Variants in PRKCH observed in about 807,000 individuals in gnomAD.
PRKCH encodes protein kinase C eta.
In PRKCH, 28 loss-of-function variants were observed where a neutral mutation model predicts 82.5. That is an observed-to-expected ratio of 0.34 (90% CI 0.25 to 0.47). The LOEUF (loss-of-function observed/expected upper bound fraction) is 0.47. Among genes scored for constraint, PRKCH ranks in the 20% least tolerant of loss-of-function variants. PRKCH has a pLI of 1.00. For missense variants in PRKCH, 705 were observed against 881.8 expected (o/e 0.80, Z 2.54); for synonymous variants, 322 against 327.4 (o/e 0.98, Z 0.18).
chr14:61,380,557 G>C (rs1393547711), intron 1 of PRKCH, among the ~76,000 whole-genome samples: 1 of 152,184 alleles, frequency 6.6e-6, no homozygotes, highest in African/African-American at 2.4e-5. Flanking sequence ...GCTGGGCTTG[G>C]TCTCTTCAGA....
chr14:61,269,101 G>A (rs898965470), intron 1 of PRKCH, among the ~76,000 whole-genome samples: 2 of 152,134 alleles, frequency 1.3e-5, no homozygotes, highest in East Asian at 1.9e-4. Flanking sequence ...AGTAAATGAC[G>A]TGTACTTTTC....
intron 10 of PRKCH, among the ~76,000 whole-genome samples, chr14:61,527,386 A>G (rs1298487018): frequency 1.3e-5 from 2 of 152,192 alleles, no homozygotes; most frequent in Non-Finnish European, 2.9e-5. Context: ...AGACAAACCC[A>G]GAAGTCATCA....
chr14:61,481,026 C>T (rs976346177), intron 9 of PRKCH, among the ~76,000 whole-genome samples: 11 of 151,926 alleles, frequency 7.2e-5, no homozygotes, highest in Non-Finnish European at 1.5e-4. Flanking sequence ...AATTCCACCT[C>T]CACCTCCAGG....
At chr14:61,382,715 A>G (rs1044686573) in intron 1 of PRKCH, among the ~76,000 whole-genome samples, 1 of 152,242 alleles carries the variant, frequency 6.6e-6, no homozygotes, top group African/African-American at 2.4e-5. Flanking sequence ...CTCAAAGCCC[A>G]TAGAGTCTAG....
At chr14:61,486,667 CT>C (rs1177330148) in intron 10 of PRKCH, among the ~76,000 whole-genome samples, 1 of 145,854 alleles carries the variant, frequency 6.9e-6, no homozygotes, top group Non-Finnish European at 1.5e-5. Context: ...TGTTTTATTT[CT>C]TTTCTTTCTT....
At chr14:61,547,299 G>C (rs1053421261) in intron 12 of PRKCH, among the ~76,000 whole-genome samples, 7 of 152,044 alleles carry the variant, frequency 4.6e-5, no homozygotes, top group Non-Finnish European at 8.8e-5. Context: ...CTGTGGTCTC[G>C]TCAGAGAGCA....
At chr14:61,389,800 A>G (rs2046647710) in intron 1 of PRKCH, among the ~76,000 whole-genome samples, 1 of 152,168 alleles carries the variant, frequency 6.6e-6, no homozygotes, top group Non-Finnish European at 1.5e-5. Context: ...CCCAGGGTCC[A>G]GAACCAGCTG....
intron 1 of PRKCH, among the ~76,000 whole-genome samples, chr14:61,345,685 A>G (rs1017456276): frequency 3.9e-5 from 6 of 152,312 alleles, no homozygotes; most frequent in African/African-American, 1.4e-4. Flanking sequence ...TACCTTCAAG[A>G]TATTCAGATT....
intron 9 of PRKCH, among the ~76,000 whole-genome samples, chr14:61,472,072 A>G (rs1325043708): frequency 6.6e-6 from 1 of 152,112 alleles, no homozygotes; most frequent in Non-Finnish European, 1.5e-5. Context: ...TTAGGGATGG[A>G]GCCCCTGAGC....
intron 10 of PRKCH, among the ~76,000 whole-genome samples, chr14:61,523,966 G>A (rs1441708461): frequency 6.6e-6 from 1 of 152,242 alleles, no homozygotes; most frequent in Non-Finnish European, 1.5e-5. Context: ...CCGAGGCTGT[G>A]TGATCAGTAT....
intron 4 of PRKCH, among the ~76,000 whole-genome samples, chr14:61,446,070 G>C (rs1884207398): frequency 6.6e-6 from 1 of 151,352 alleles, no homozygotes. Context: ...CAATCCTATT[G>C]ATAATAGATA....
chr14:61,280,304 C>A lies in PRKCH; in HGVS notation c.-19+92636C>A, dbSNP rs778232094. 20 of 1,613,772 alleles carry A rather than the reference C, an allele frequency of 1.2e-5. No individual in the cohort carries two copies. The African/African-American group carries it at 1.6e-4, about 13-fold the overall frequency. On this transcript the variant is annotated intron_variant, in intron 1 of 3. Coordinates refer to the PRKCH transcript ENST00000555185. This position sits in a 1 kb window ranked among gnomAD's most constrained non-coding sequence, Gnocchi z 5.0. ...TTGTAGGTGATGTTGACGCGGTAGG[C>A]GCCCCGCGGCAGCCCGGCCGAGTAG...
chr14:61,238,481 G>T (rs2044808856), intron 1 of PRKCH, among the ~76,000 whole-genome samples: 1 of 152,158 alleles, frequency 6.6e-6, no homozygotes, highest in Admixed American at 6.5e-5. Context: ...AAACTTGTTT[G>T]GAGCCCTTTA....
chr14:61,332,189 C>A (rs1041412140), intron 1 of PRKCH, among the ~76,000 whole-genome samples: 1 of 152,154 alleles, frequency 6.6e-6, no homozygotes, highest in African/African-American at 2.4e-5. Flanking sequence ...AGGGTGATGA[C>A]AAATACTACA....
chr14:61,333,968 G>T (rs1324494146), intron 1 of PRKCH, among the ~76,000 whole-genome samples: 1 of 152,114 alleles, frequency 6.6e-6, no homozygotes, highest in African/African-American at 2.4e-5. Context: ...TGACCCAGCA[G>T]ATTTTTTGGT....
intron 1 of PRKCH, among the ~76,000 whole-genome samples, chr14:61,265,405 T>C (rs1311939205): frequency 1.3e-5 from 2 of 152,134 alleles, no homozygotes; most frequent in African/African-American, 4.8e-5. Flanking sequence ...AGCTTGAGCC[T>C]GGGATGCGGA....
chr14:61,361,819 A>G (rs565301520), intron 1 of PRKCH, among the ~76,000 whole-genome samples: 7 of 152,344 alleles, frequency 4.6e-5, no homozygotes, highest in South Asian at 4.1e-4. Context: ...ATTAATAAAC[A>G]TGCCATATTC....
rs1276169639 is a variant in PRKCH at position 61,280,081 on chromosome 14, G to C, written c.-19+92413G>C. On this transcript the variant is annotated intron_variant, in intron 1 of 3. Coordinates refer to the PRKCH transcript ENST00000555185. The surrounding 1 kb of genome is among the most constrained non-coding windows in gnomAD (Gnocchi z 5.0). ...TGGCAAGAAGCAGGAGGGATCCCTG[G>C]AAAGCCGGAATCACTCCTCGTCGTC... The C allele has an allele frequency of 1.3e-6, 2 of 1,596,232 alleles. No homozygotes were observed. Among genetic ancestry groups the C allele is most frequent in the Non-Finnish European group, 1.7e-6 (2 of 1,171,038 alleles).
At position 61,547,231 on chromosome 14, in the gene PRKCH, A is replaced by G. The variant is rs1029934790; in HGVS notation, c.1762-512A>G. Among the ~76,000 whole-genome samples, 3 of 151,190 alleles carry G rather than the reference A, an allele frequency of 2.0e-5. No individual in the cohort carries two copies. The East Asian group carries it at 6.0e-4, about 30-fold the overall frequency. ...GAGCCAGGACACAGACCTTTTCAGT[A>G]TGTCACCTTTGCTGCTTCTTCACAC... On this transcript the variant is annotated intron_variant, in intron 12 of 13. Coordinates refer to ENST00000332981, the MANE Select transcript of PRKCH (RefSeq NM_006255.5).
Sources: gnomAD v4.1 joint callset for allele counts (sites outside exome capture counted in the v4.1 genomes callset) on GRCh38, gnomAD v4.1.1 for gene constraint, Gnocchi (gnomAD v3.1) non-coding constraint, MANE v1.5 for transcripts, NCBI Gene and HGNC (gene_info 2026-07-23, HGNC 2026-07-21) for gene names.